The following WRAP73 variants were observed in gnomAD, a reference collection of about 807,000 sequenced individuals.
WRAP73 encodes the protein WD repeat-containing protein WRAP73.
A neutral mutation model predicts 59.6 loss-of-function variants in WRAP73; 55 were observed. The observed-to-expected ratio is 0.92, with a 90% CI of 0.74 to 1.15. WRAP73 has a LOEUF of 1.15. WRAP73 is among the 50% of genes most tolerant of loss of function. WRAP73 has a pLI of 0.00. For missense variants in WRAP73, 592 were observed against 608.1 expected, an observed-to-expected ratio of 0.97 and a Z score of 0.28; for synonymous variants, 265 against 258.2, an observed-to-expected ratio of 1.03 and a Z score of -0.25.
chr1:3,635,900 GA>G, intron 6 of WRAP73, 43 bp downstream of exon 6: 1 of 1,524,098 alleles, frequency 6.6e-7, no homozygotes, highest in Non-Finnish European at 9.1e-7. Context: ...GAAATTCCGG[GA>G]AAAGCTCTCG....
In WRAP73 at chr1:3,646,865, G is replaced by T; in HGVS notation, c.223-83C>A. On this transcript the variant is annotated intron_variant, in intron 2 of 11. Coordinates refer to ENST00000270708, the MANE Select transcript of WRAP73 (RefSeq NM_017818.4). This position sits in a 1 kb window ranked among gnomAD's most constrained non-coding sequence, Gnocchi z 5.1. Reference sequence around the variant, plus strand: ...CGAGGACAGCTCGCTTAAACGCAGCGGAGACCCGACCGCACAGGGTGTCTT... The same window carrying T: ...CGAGGACAGCTCGCTTAAACGCAGCTGAGACCCGACCGCACAGGGTGTCTT... 8.3e-7 allele frequency: 1 copy of T among 1,209,908 alleles called. No individual in the cohort carries two copies. The highest frequency in any genetic ancestry group is 1.2e-6 in the Non-Finnish European group (1 of 835,180). 74.9% of individuals were successfully genotyped at this position (1,209,908 alleles called of 1,614,324 possible).
chr1:3,634,753 T>C, intron 8 of WRAP73: 1 of 538,938 alleles, frequency 1.9e-6, no homozygotes. Context: ...AAAACTGGAC[T>C]GGGGTGGCAG....
intron 9 of WRAP73, chr1:3,632,733 G>A (rs774690111): frequency 4.1e-5 from 12 of 293,326 alleles, no homozygotes; most frequent in East Asian, 2.1e-4. Context: ...TAGACTTTCC[G>A]GCTGTGGAAG....
At chr1:3,635,615 G>T (rs1444009257) in intron 6 of WRAP73, 2 of 481,746 alleles carry the variant, frequency 4.2e-6, no homozygotes, top group Non-Finnish European at 7.5e-6. Flanking sequence ...GAACACAGAA[G>T]TTCAAGAGCA....
chr1:3,636,599 T>A, intron 5 of WRAP73: 1 of 360,408 alleles, frequency 2.8e-6, no homozygotes, highest in South Asian at 2.1e-5. Context: ...ATCGTGTTCA[T>A]ATGTCTGCTG....
At chr1:3,640,201 G>A (rs981530019) in intron 3 of WRAP73, among the ~76,000 whole-genome samples, 1 of 152,204 alleles carries the variant, frequency 6.6e-6, no homozygotes, top group African/African-American at 2.4e-5. Flanking sequence ...GGCCGTTCTG[G>A]GGACCATGCC....
intron 6 of WRAP73, chr1:3,635,738 T>C: frequency 1.8e-6 from 1 of 555,400 alleles, no homozygotes; most frequent in Non-Finnish European, 3.2e-6. Context: ...GGAGGATCAC[T>C]TGAGTCCAGG....
intron 3 of WRAP73, among the ~76,000 whole-genome samples, chr1:3,643,395 A>C (rs897217088): frequency 6.6e-6 from 1 of 152,262 alleles, no homozygotes; most frequent in African/African-American, 2.4e-5. Flanking sequence ...AAAGCGCGGC[A>C]GTGTTCCGCT....
At chr1:3,631,950 G>T in intron 10 of WRAP73, 1 of 1,397,994 alleles carries the variant, frequency 7.2e-7, no homozygotes, top group Non-Finnish European at 9.2e-7. Context: ...GCTGCAGTGT[G>T]CCCAGCCCTG....
chr1:3,643,625 G>A (rs1353645433), intron 3 of WRAP73, among the ~76,000 whole-genome samples: 3 of 142,998 alleles, frequency 2.1e-5, no homozygotes, highest in African/African-American at 7.7e-5. Flanking sequence ...GCTGAGCCCC[G>A]GACATGGGGT....
At chr1:3,637,200 G>A in intron 4 of WRAP73, 102 bp from the exon 5 acceptor site, 1 of 1,032,422 alleles carries the variant, frequency 9.7e-7, no homozygotes, top group East Asian at 2.6e-5. Flanking sequence ...AGAAAGCAGA[G>A]GTGAAAAGAA....
chr1:3,645,673 T>G (rs1644683870), intron 3 of WRAP73, among the ~76,000 whole-genome samples: 1 of 152,232 alleles, frequency 6.6e-6, no homozygotes, highest in African/African-American at 2.4e-5. Context: ...CATTTTTCTG[T>G]ATCTTAAAAA....
At chr1:3,649,490 G>A (rs914725935) in intron 1 of WRAP73, among the ~76,000 whole-genome samples, 2 of 152,176 alleles carry the variant, frequency 1.3e-5, no homozygotes, top group African/African-American at 4.8e-5. Flanking sequence ...ACCCTCACCT[G>A]TGTGCAGTCG....
intron 3 of WRAP73, among the ~76,000 whole-genome samples, chr1:3,645,466 G>A (rs1390803011): frequency 6.8e-6 from 1 of 146,456 alleles, no homozygotes; most frequent in African/African-American, 2.5e-5. Flanking sequence ...GCCGTGCAGC[G>A]GGACGGGCGG....
At chr1:3,644,909 A>G (rs1165109999) in intron 3 of WRAP73, among the ~76,000 whole-genome samples, 1 of 152,224 alleles carries the variant, frequency 6.6e-6, no homozygotes, top group East Asian at 1.9e-4. Flanking sequence ...AGCCCTTCTC[A>G]AGGGCAGATT....
chr1:3,649,874 G>A (rs929905977), intron 1 of WRAP73, 57 bp downstream of exon 1: 3 of 1,538,956 alleles, frequency 1.9e-6, no homozygotes, highest in Non-Finnish European at 2.6e-6. Context: ...GGCCCTGCCC[G>A]CCGGGGACGC....
In WRAP73 at chr1:3,646,583, ACC is replaced by A. The variant is rs1254837685; in HGVS notation, c.339+81_339+82del. The A allele has an allele frequency of 2.6e-6, 3 of 1,133,026 alleles. No homozygotes were observed. The highest frequency in any genetic ancestry group is 3.8e-6 in the Non-Finnish European group (3 of 785,872). 70.2% of individuals were successfully genotyped at this position (1,133,026 alleles called of 1,614,324 possible). A position where few individuals can be genotyped will look rare whatever the true frequency, so the allele number is the denominator to read the frequency against. ...GGGGAGACTAGCATACTCCAAACAC[ACC>A]CCCTCTCGCACTCCCCAGCTGTTTC... is the stretch of plus-strand genomic sequence containing the variant. On this transcript the variant is annotated intron_variant, in intron 3 of 11. Transcript: ENST00000270708. The surrounding 1 kb of genome is among the most constrained non-coding windows in gnomAD (Gnocchi z 5.1).
In WRAP73 at chr1:3,650,083, CGGCCTCCGA is replaced by C. The variant is rs1284575390; in HGVS notation, c.-93_-85del. 3.6e-6 allele frequency: 5 copies of C among 1,390,938 alleles called. No homozygotes were observed. The highest frequency in any genetic ancestry group is 1.4e-5 in the South Asian group (1 of 72,246). 86.2% of individuals were successfully genotyped at this position (1,390,938 alleles called of 1,614,324 possible). On this transcript the variant is annotated 5_prime_UTR_variant, in exon 1 of 12. Coordinates refer to ENST00000270708, the MANE Select transcript of WRAP73 (RefSeq NM_017818.4). ...CGCAGCAGGCTGCAACAGCCGACGCCGGCCTCCGAGGCCGGAAGTCAGAAGGCGGAAGTG... is the reference window on the plus strand; with the variant it reads ...CGCAGCAGGCTGCAACAGCCGACGCCGGCCGGAAGTCAGAAGGCGGAAGTG...
At chr1:3,636,367 C>A (rs1221135272) in intron 5 of WRAP73, 3 of 344,300 alleles carry the variant, frequency 8.7e-6, no homozygotes, top group Non-Finnish European at 1.6e-5. Flanking sequence ...TGCACACTCT[C>A]CCCCTCACCT....
Sources: gnomAD v4.1 joint callset for allele counts (sites outside exome capture counted in the v4.1 genomes callset) on GRCh38, gnomAD v4.1.1 for gene constraint, Gnocchi (gnomAD v3.1) non-coding constraint, MANE v1.5 for transcripts, NCBI Gene and HGNC (gene_info 2026-07-23, HGNC 2026-07-21) for gene names.